NRCAM: variants seen among roughly 807,000 people sequenced by gnomAD.
The protein encoded by NRCAM is neuronal cell adhesion molecule, also known as NgCAM-related cell adhesion molecule.
A neutral mutation model predicts 156.5 loss-of-function variants in NRCAM; 83 were observed. That is an observed-to-expected ratio of 0.53 (90% CI 0.44 to 0.64). The LOEUF (loss-of-function observed/expected upper bound fraction) is 0.64. Among genes scored for constraint, NRCAM ranks in the 30% least tolerant of loss-of-function variants. NRCAM has a pLI of 0.00. For missense variants in NRCAM, 1,417 were observed against 1,597.3 expected (o/e 0.89, Z 1.92); for synonymous variants, 538 against 563.9 (o/e 0.95, Z 0.65).
At chr7:108,309,384 A>G (rs1001543174) in intron 3 of NRCAM, among the ~76,000 whole-genome samples, 1 of 152,174 alleles carries the variant, frequency 6.6e-6, no homozygotes, top group African/African-American at 2.4e-5. Flanking sequence ...CTTGGTTTTT[A>G]TAAGTTCTAG....
At chr7:108,227,714 CAG>C (rs1183487522) in intron 8 of NRCAM, among the ~76,000 whole-genome samples, 2 of 152,080 alleles carry the variant, frequency 1.3e-5, no homozygotes, top group African/African-American at 4.8e-5. Context: ...TGTGAGGTGA[CAG>C]AACTGAAAAA....
rs778456584 is a variant in NRCAM at position 108,184,290 on chromosome 7, G to T, written c.2255C>A (p.Ala752Asp). ...AGGCTCTGATCCCAGTCCTTCCACA[G>T]CTGTGGGGTTTTTATCTGGTTCTGG... ...KASEPDKNPT[A>D]VEGLGSEPDN... Residue 752 changes from alanine (A) to aspartate (D), a missense_variant, in exon 22 of 33, where the codon GCT becomes GAT. This residue lies in a region of NRCAM where 1,238 missense variants were observed against 1,336.4 expected (regional missense o/e 0.93). Transcript: ENST00000379028. The T allele has an allele frequency of 6.8e-6, 11 of 1,614,130 alleles. No individual in the cohort carries two copies. The highest frequency in any genetic ancestry group is 9.3e-6 in the Non-Finnish European group (11 of 1,179,996).
At chr7:108,262,088 G>A (rs553762218) in intron 3 of NRCAM, among the ~76,000 whole-genome samples, 1 of 152,144 alleles carries the variant, frequency 6.6e-6, no homozygotes, top group East Asian at 1.9e-4. Context: ...TTCCAAACAA[G>A]CTACTTATGC....
chr7:108,217,882 G>A (rs2090155123), intron 11 of NRCAM, among the ~76,000 whole-genome samples: 1 of 152,140 alleles, frequency 6.6e-6, no homozygotes, highest in African/African-American at 2.4e-5. Flanking sequence ...CGCTGAGCTA[G>A]ATCACTTGGC....
chr7:108,156,379 ATACT>A (rs2045499780), intron 32 of NRCAM: 1 of 984,192 alleles, frequency 1.0e-6, no homozygotes, highest in Admixed American at 6.2e-5. Flanking sequence ...GAATAAAAAA[ATACT>A]TACACTCTTG....
At chr7:108,455,494 G>A (rs1855977835) in intron 1 of NRCAM, among the ~76,000 whole-genome samples, 1 of 152,104 alleles carries the variant, frequency 6.6e-6, no homozygotes, top group Non-Finnish European at 1.5e-5. Flanking sequence ...ACAAGTCCCA[G>A]CCCTCGGAGG....
intron 2 of NRCAM, among the ~76,000 whole-genome samples, chr7:108,393,871 C>A (rs555934680): frequency 2.1e-4 from 32 of 152,166 alleles, no homozygotes; most frequent in Non-Finnish European, 4.0e-4. Flanking sequence ...ACATGGCCCA[C>A]GTATGGTGAT....
intron 2 of NRCAM, among the ~76,000 whole-genome samples, chr7:108,325,010 A>G (rs2099052333): frequency 6.6e-6 from 1 of 151,584 alleles, no homozygotes; most frequent in Admixed American, 6.6e-5. Flanking sequence ...CCCTCCACCA[A>G]ATAGAAAGGA....
At chr7:108,292,233 G>A (rs1007789502) in intron 3 of NRCAM, among the ~76,000 whole-genome samples, 1 of 152,202 alleles carries the variant, frequency 6.6e-6, no homozygotes. Context: ...ACCTTGCATG[G>A]CTACTAAGTA....
intron 1 of NRCAM, among the ~76,000 whole-genome samples, chr7:108,411,764 C>T (rs1323426040): frequency 6.6e-6 from 1 of 152,236 alleles, no homozygotes; most frequent in East Asian, 1.9e-4. Context: ...AACTCCCGAC[C>T]TCGTGATCTG....
intron 3 of NRCAM, among the ~76,000 whole-genome samples, chr7:108,268,636 T>TGGGGGGGGGGGGGGGGGGGGGAG (rs1300340254): frequency 1.2e-4 from 1 of 8,490 alleles, no homozygotes; most frequent in African/African-American, 4.8e-4. Context: ...GGGGGGGGGT[T>TGGGGGGGGGGGGGGGGGGGGGAG]GGGGGGGGCG....
chr7:108,185,905 A>T (rs1361689969), intron 20 of NRCAM, among the ~76,000 whole-genome samples: 1 of 152,208 alleles, frequency 6.6e-6, no homozygotes, highest in African/African-American at 2.4e-5. Context: ...AAACAGACAT[A>T]TTCACTTGCA....
At chr7:108,188,606 A>G (rs1192623550) in intron 20 of NRCAM, among the ~76,000 whole-genome samples, 1 of 151,424 alleles carries the variant, frequency 6.6e-6, no homozygotes. Flanking sequence ...AAGAGTAGAA[A>G]TGCCTTGAAA....
intron 20 of NRCAM, among the ~76,000 whole-genome samples, chr7:108,187,598 T>C (rs921436801): frequency 5.3e-5 from 8 of 152,184 alleles, no homozygotes; most frequent in Non-Finnish European, 1.2e-4. Context: ...CAGTCATATG[T>C]ATTAATAGAT....
At chr7:108,413,466 A>T (rs1797861229) in intron 1 of NRCAM, among the ~76,000 whole-genome samples, 1 of 152,104 alleles carries the variant, frequency 6.6e-6, no homozygotes, top group Non-Finnish European at 1.5e-5. Context: ...ATTTTCTCCC[A>T]TTCCAAATAA....
intron 11 of NRCAM, 65 bp downstream of exon 11, chr7:108,223,660 C>A: frequency 1.3e-6 from 1 of 776,654 alleles, no homozygotes. Context: ...TATTATTAAC[C>A]TCTCTCTACC....
chr7:108,343,018 C>G (rs1484417461), intron 2 of NRCAM, among the ~76,000 whole-genome samples: 1 of 152,218 alleles, frequency 6.6e-6, no homozygotes, highest in Non-Finnish European at 1.5e-5. Flanking sequence ...AGTAATTGTT[C>G]AAACCTACGC....
At chr7:108,298,352 G>A (rs532689531) in intron 3 of NRCAM, among the ~76,000 whole-genome samples, 11 of 151,644 alleles carry the variant, frequency 7.3e-5, no homozygotes, top group South Asian at 2.1e-4. Flanking sequence ...CCCCCTCCCC[G>A]CCAAAAAAAC....
chr7:108,265,779 G>A (rs1280157062), intron 3 of NRCAM, among the ~76,000 whole-genome samples: 1 of 152,192 alleles, frequency 6.6e-6, no homozygotes, highest in Non-Finnish European at 1.5e-5. Flanking sequence ...AAAAAACTGT[G>A]CACAGTGTCT....
Sources: gnomAD v4.1 joint callset for allele counts (sites outside exome capture counted in the v4.1 genomes callset) on GRCh38, gnomAD v4.1.1 for gene constraint, gnomAD v4.1.1 regional missense constraint, MANE v1.5 for transcripts, NCBI Gene and HGNC (gene_info 2026-07-23, HGNC 2026-07-21) for gene names.